The following ANGPT2 variants were observed in gnomAD, a reference collection of about 807,000 sequenced individuals.
ANGPT2 encodes angiopoietin-2.
A neutral mutation model predicts 62.9 loss-of-function variants in ANGPT2; 28 were observed. That is an observed-to-expected ratio of 0.44 (90% CI 0.33 to 0.61). The LOEUF is 0.61. Ranked by LOEUF, ANGPT2 falls within the 20% of genes least tolerant of loss-of-function variation. ANGPT2 has a pLI of 0.03. For missense variants in ANGPT2, 727 were observed against 594.9 expected (o/e 1.22, Z -2.31); for synonymous variants, 284 against 207.8 (o/e 1.37, Z -3.15).
intron 1 of ANGPT2, among the ~76,000 whole-genome samples, chr8:6,537,894 A>C (rs1023996346): frequency 3.3e-5 from 5 of 152,140 alleles, no homozygotes; most frequent in East Asian, 1.9e-4. Flanking sequence ...TTTCTATTTA[A>C]ATAAAATTCA....
intron 1 of ANGPT2, among the ~76,000 whole-genome samples, chr8:6,541,608 A>G (rs182870566): frequency 8.5e-5 from 13 of 152,272 alleles, no homozygotes; most frequent in Admixed American, 2.0e-4. Context: ...CCATTCGTCT[A>G]TTTTTTGGGA....
chr8:6,516,218 T>G (rs1816237718), intron 5 of ANGPT2, among the ~76,000 whole-genome samples: 1 of 152,270 alleles, frequency 6.6e-6, no homozygotes, highest in Admixed American at 6.5e-5. Flanking sequence ...GTTACCGCTC[T>G]GTATTGCTAT....
intron 2 of ANGPT2, among the ~76,000 whole-genome samples, chr8:6,530,919 G>A (rs1012168381): frequency 6.6e-6 from 1 of 152,210 alleles, no homozygotes; most frequent in Non-Finnish European, 1.5e-5. Context: ...CCTGGCTGAC[G>A]TCTAGCATTT....
chr8:6,528,590 G>A (rs550519290), intron 2 of ANGPT2, among the ~76,000 whole-genome samples: 6 of 152,200 alleles, frequency 3.9e-5, no homozygotes, highest in Non-Finnish European at 7.3e-5. Flanking sequence ...CAGCCTTGCC[G>A]TGCGGGCCTT....
chr8:6,546,935 A>G (rs886323823), intron 1 of ANGPT2, among the ~76,000 whole-genome samples: 1 of 152,160 alleles, frequency 6.6e-6, no homozygotes, highest in Non-Finnish European at 1.5e-5. Context: ...ACTAGGAAAA[A>G]CAGCCATGTT....
rs895891379 is a variant in ANGPT2 at position 6,563,000 on chromosome 8, G to A, written c.-66C>T. 6.0e-6 allele frequency: 9 copies of A among 1,507,804 alleles called. No individual in the cohort carries two copies. In the African/African-American group the frequency reaches 1.2e-4, roughly 21 times the overall value. The allele number at this position is 1,507,804 out of a possible 1,614,324, so 93.4% of individuals were successfully genotyped here. A position where few individuals can be genotyped will look rare whatever the true frequency, so the allele number is the denominator to read the frequency against. On this transcript the variant is annotated 5_prime_UTR_variant, in exon 1 of 9. Coordinates refer to ENST00000629816, the MANE Select transcript of ANGPT2 (RefSeq NM_001118887.2). ...GGCAAACACACGTCCAGAGTCCCGA[G>A]CTGCTGCCGTCTAAAACGCAGGGCT...
chr8:6,533,017 A>C (rs1348930088), intron 1 of ANGPT2, among the ~76,000 whole-genome samples: 2 of 152,248 alleles, frequency 1.3e-5, no homozygotes, highest in Non-Finnish European at 2.9e-5. Flanking sequence ...CTACGGAATC[A>C]CCACTCAGTT....
chr8:6,503,659 G>T (rs2916702), intron 8 of ANGPT2, among the ~76,000 whole-genome samples: 5 of 151,988 alleles, frequency 3.3e-5, no homozygotes, highest in African/African-American at 1.2e-4. Flanking sequence ...GGCTGGACTC[G>T]CTCAGGCTCC....
chr8:6,532,289 TCTAGCTGCAGGGACA>T, intron 2 of ANGPT2, 28 bp downstream of exon 2: 1 of 1,612,796 alleles, frequency 6.2e-7, no homozygotes, highest in South Asian at 1.1e-5. Context: ...AGTGCTAGTC[TCTAGCTGCAGGGACA>T]CCGTGTGCTT....
chr8:6,541,729 C>A (rs543480720), intron 1 of ANGPT2, among the ~76,000 whole-genome samples: 3 of 152,246 alleles, frequency 2.0e-5, no homozygotes, highest in African/African-American at 7.2e-5. Flanking sequence ...TAGGGCCGGG[C>A]ATAGTGGCTC....
intron 1 of ANGPT2, among the ~76,000 whole-genome samples, chr8:6,539,479 C>A (rs1821131160): frequency 6.6e-6 from 1 of 152,184 alleles, no homozygotes; most frequent in Non-Finnish European, 1.5e-5. Flanking sequence ...GCACACTTGC[C>A]TTCACCTGCC....
chr8:6,505,493 CTTTATATATGTATATATAGAATATATAT>C (rs1813372523), intron 8 of ANGPT2, among the ~76,000 whole-genome samples: 3 of 2,856 alleles, frequency 1.1e-3, no homozygotes, highest in Non-Finnish European at 2.2e-3. Flanking sequence ...TATATATATT[CTTTATATATGTATATATAGAATATATAT>C]TCTTTATATA....
Position 6,521,325 on chromosome 8 carries a change from C to G in ANGPT2, c.652G>C (p.Val218Leu), listed in dbSNP as rs890518042. Residue 218 changes from valine to leucine, a missense_variant, in exon 4 of 9, where the codon GTG (valine) becomes CTG (leucine). Coordinates refer to ENST00000629816, the MANE Select transcript of ANGPT2 (RefSeq NM_001118887.2). ...ATGGAATTTTGCTTGGATACTAACA[C>G]CTGTAGCTGATCTTTCTCTTCTTTT... ...SIKEEKDQLQ[V>L]LVSKQNSIIE... The G allele has an allele frequency of 3.7e-6, 6 of 1,613,732 alleles. No homozygotes were observed. The highest frequency in any genetic ancestry group is 3.3e-5 in the Admixed American group (2 of 60,008).
chr8:6,558,727 C>T (rs139610246), intron 1 of ANGPT2, among the ~76,000 whole-genome samples: 301 of 152,184 alleles, frequency 2.0e-3, no homozygotes, highest in African/African-American at 6.9e-3. Flanking sequence ...AATCATCTCC[C>T]CATAGTGTGA....
intron 1 of ANGPT2, 139 bp from the exon 2 acceptor site, chr8:6,532,626 G>A: frequency 1.5e-6 from 1 of 660,314 alleles, no homozygotes; most frequent in African/African-American, 1.9e-5. Flanking sequence ...CCTTCCTTTT[G>A]GAATCTTACT....
chr8:6,544,660 T>C (rs1286292424), intron 1 of ANGPT2, among the ~76,000 whole-genome samples: 1 of 152,198 alleles, frequency 6.6e-6, no homozygotes, highest in Non-Finnish European at 1.5e-5. Context: ...ACATATTTTA[T>C]TTCTATAGGA....
chr8:6,529,275 G>T (rs1818988892), intron 2 of ANGPT2, among the ~76,000 whole-genome samples: 1 of 152,098 alleles, frequency 6.6e-6, no homozygotes, highest in South Asian at 2.1e-4. Context: ...ACCCATTGTT[G>T]CTCAATTTGA....
rs112788253 is a variant in ANGPT2, at chr8:6,557,688, T to TACACACAC, written c.288+4951_288+4958dup. Among the ~76,000 whole-genome samples, 1,449 of 148,776 alleles carry TACACACAC rather than the reference T, an allele frequency of 9.7e-3. 8 individuals carry two copies. Among genetic ancestry groups the TACACACAC allele is most frequent in the South Asian group, 0.017 (81 of 4,654 alleles). On this transcript the variant is annotated intron_variant, in intron 1 of 8. Coordinates refer to ENST00000629816, the MANE Select transcript of ANGPT2 (RefSeq NM_001118887.2). ...ATTTAATATGATATATATGTGTGTG[T>TACACACAC]ACACACACACACACACACACACACA...
At chr8:6,504,724 A>G (rs1474353115) in intron 8 of ANGPT2, among the ~76,000 whole-genome samples, 1 of 152,198 alleles carries the variant, frequency 6.6e-6, no homozygotes, top group Non-Finnish European at 1.5e-5. Context: ...TCTTATATCC[A>G]TGAAATTGGA....
Sources: gnomAD v4.1 joint callset for allele counts (sites outside exome capture counted in the v4.1 genomes callset) on GRCh38, gnomAD v4.1.1 for gene constraint, MANE v1.5 for transcripts, NCBI Gene and HGNC (gene_info 2026-07-23, HGNC 2026-07-21) for gene names.